Variants in RBM26 observed in about 807,000 individuals in gnomAD.
The protein encoded by RBM26 is RNA binding motif protein 26.
In RBM26, 30 loss-of-function variants were observed where a neutral mutation model predicts 123.6. The ratio of observed to expected loss-of-function variants is 0.24; its 90% CI spans 0.18 to 0.33. The LOEUF is 0.33. Among genes scored for constraint, RBM26 ranks in the 10% least tolerant of loss-of-function variants. RBM26 has a pLI of 1.00. For synonymous variants in RBM26, 400 were observed against 404.4 expected (o/e 0.99, Z 0.13); for missense variants, 947 against 1,203.6 (o/e 0.79, Z 3.15).
At chr13:79,343,509 G>A (rs1365457658) in intron 16 of RBM26, among the ~76,000 whole-genome samples, 1 of 151,816 alleles carries the variant, frequency 6.6e-6, no homozygotes, top group Non-Finnish European at 1.5e-5. Context: ...TCAAAATGTA[G>A]TTTCTGTATT....
intron 9 of RBM26, among the ~76,000 whole-genome samples, chr13:79,364,414 T>C (rs1381374684): frequency 6.6e-6 from 1 of 152,208 alleles, no homozygotes; most frequent in Non-Finnish European, 1.5e-5. Context: ...CTAAGACTTT[T>C]ATTCACAACT....
rs116110610 is a variant in RBM26 at position 79,369,265 on chromosome 13, T to G, written c.635-275A>C. Among the ~76,000 whole-genome samples the G allele has an allele frequency of 5.5e-3, 836 of 152,306 alleles. 11 individuals are homozygous for G. Among genetic ancestry groups the G allele is most frequent in the African/African-American group, 0.018 (762 of 41,550 alleles). ...TATAGAAAAAAGGAATTTTATATTT[T>G]CTTCATCACAATCTTGGTATGCATA... is the stretch of plus-strand genomic sequence containing the variant. On this transcript the variant is annotated intron_variant, in intron 5 of 21. Coordinates refer to ENST00000438737, the MANE Select transcript of RBM26 (RefSeq NM_001366735.2).
chr13:79,373,439 T>C (rs1349768236), intron 3 of RBM26, among the ~76,000 whole-genome samples: 2 of 13,666 alleles, frequency 1.5e-4, no homozygotes, highest in Non-Finnish European at 2.7e-4. Flanking sequence ...AAATATATAT[T>C]ATATATTATA....
intron 1 of RBM26, among the ~76,000 whole-genome samples, chr13:79,380,854 A>G (rs1045507072): frequency 1.3e-5 from 2 of 152,132 alleles, no homozygotes; most frequent in African/African-American, 4.8e-5. Flanking sequence ...GCTCCCATAT[A>G]TGAGTGGTAA....
intron 20 of RBM26, among the ~76,000 whole-genome samples, chr13:79,324,312 C>T (rs992482234): frequency 2.6e-5 from 4 of 151,708 alleles, no homozygotes; most frequent in African/African-American, 9.7e-5. Context: ...AAATATCTCT[C>T]GATGTCCATA....
chr13:79,371,049 C>A lies in RBM26; in HGVS notation c.530G>T (p.Arg177Leu). The A allele has an allele frequency of 6.2e-7, 1 of 1,613,736 alleles. No individual in the cohort carries two copies. The highest frequency in any genetic ancestry group is 8.5e-7 in the Non-Finnish European group (1 of 1,179,622). The change falls in exon 5 of 22, where the codon CGC (arginine) becomes CTC (leucine). Residue 177 changes from arginine to leucine, a missense_variant. This residue lies in a region of RBM26 where 275 missense variants were observed against 361.0 expected (regional missense o/e 0.76). Transcript: ENST00000438737. ...TCGACTTCGACTCCTGCTATAACTGCGACTCCGCCCTCGTCTTCTATTGTA... is the reference window on the plus strand; with the variant it reads ...TCGACTTCGACTCCTGCTATAACTGAGACTCCGCCCTCGTCTTCTATTGTA... ...DRYNRRRGRS[R>L]SYSRSRSRSW...
rs968906727 is a variant in RBM26 at position 79,329,353 on chromosome 13, G to GT, written c.2820+4990dup. On this transcript the variant is annotated intron_variant, in intron 20 of 21. Transcript: ENST00000438737. Reference sequence around the variant, plus strand: ...TGCATATACATATATATATATGTATGTTTTTTTTTCACTCCCAGTTCTGAC... The same window carrying GT: ...TGCATATACATATATATATATGTATGTTTTTTTTTTCACTCCCAGTTCTGAC... Among the ~76,000 whole-genome samples the GT allele has an allele frequency of 4.4e-4, 65 of 149,230 alleles. 1 individual carries two copies. The South Asian group carries it at 9.5e-3, about 22-fold the overall frequency.
At chr13:79,391,330 A>C (rs2077963827) in intron 1 of RBM26, among the ~76,000 whole-genome samples, 2 of 152,242 alleles carry the variant, frequency 1.3e-5, no homozygotes, top group Non-Finnish European at 2.9e-5. Flanking sequence ...CTTCATCTCA[A>C]AATAGGGAAA....
chr13:79,319,054 CGTA>C lies in RBM26; in HGVS notation c.*1564_*1566del. 1.0e-6 allele frequency: 1 copy of C among 984,118 alleles called. No homozygotes were observed. The highest frequency in any genetic ancestry group is 4.7e-5 in the South Asian group (1 of 21,280). 61.0% of individuals were successfully genotyped at this position (984,118 alleles called of 1,614,324 possible). On this transcript the variant is annotated 3_prime_UTR_variant, in exon 22 of 22. Coordinates refer to ENST00000438737, the MANE Select transcript of RBM26 (RefSeq NM_001366735.2). ...CTGATTTTGAAATTTTAAATATAAA[CGTA>C]GACACGAATTGCAAGGCAAAGCATT...
intron 10 of RBM26, among the ~76,000 whole-genome samples, chr13:79,358,765 C>T (rs2074319465): frequency 6.6e-6 from 1 of 152,092 alleles, no homozygotes; most frequent in South Asian, 2.1e-4. Flanking sequence ...TATTCTGATT[C>T]TGTAAAAGTC....
At chr13:79,318,304 A>G (rs138176358), downstream of RBM26, among the ~76,000 whole-genome samples, 37 of 151,206 alleles carry the variant, frequency 2.4e-4, no homozygotes, top group East Asian at 1.5e-3. Context: ...ATTCAAATCT[A>G]TTTTCACCCA....
intron 11 of RBM26, among the ~76,000 whole-genome samples, chr13:79,357,136 T>C (rs867423027): frequency 6.6e-6 from 1 of 152,298 alleles, no homozygotes; most frequent in South Asian, 2.1e-4. Context: ...TAATTATAGA[T>C]GGGCAGGGGA....
At chr13:79,380,969 T>A (rs2077028853) in intron 1 of RBM26, among the ~76,000 whole-genome samples, 2 of 152,158 alleles carry the variant, frequency 1.3e-5, no homozygotes, top group African/African-American at 4.8e-5. Context: ...AAGAATGATA[T>A]AATTGTTTAT....
intron 3 of RBM26, among the ~76,000 whole-genome samples, chr13:79,373,345 T>TATAA (rs1174215061): frequency 9.5e-6 from 1 of 105,258 alleles, no homozygotes; most frequent in Non-Finnish European, 1.7e-5. Flanking sequence ...ATATATTATA[T>TATAA]ATAAATAAAA....
intron 8 of RBM26, 130 bp downstream of exon 8, chr13:79,365,925 G>C (rs1347670025): frequency 1.0e-6 from 1 of 998,408 alleles, no homozygotes; most frequent in African/African-American, 1.6e-5. Context: ...CTTATTTAAT[G>C]TTCATTCACC....
At chr13:79,380,919 G>A (rs369369504) in intron 1 of RBM26, among the ~76,000 whole-genome samples, 5 of 152,102 alleles carry the variant, frequency 3.3e-5, no homozygotes, top group African/African-American at 9.6e-5. Flanking sequence ...ATGTCAGGAC[G>A]GGAAATTTTT....
intron 1 of RBM26, among the ~76,000 whole-genome samples, chr13:79,380,775 C>CCCTA (rs370161184): frequency 2.6e-5 from 4 of 152,178 alleles, no homozygotes; most frequent in African/African-American, 9.6e-5. Flanking sequence ...CTCCCTATCT[C>CCCTA]CCTACCACCC....
intron 21 of RBM26, 32 bp from the exon 22 acceptor site, chr13:79,320,742 CAA>C (rs34668220): frequency 0.026 from 28,185 of 1,064,078 alleles, no homozygotes; most frequent in South Asian, 0.047. Context: ...GGAATTTACC[CAA>C]AAAAAAAAAA....
intron 11 of RBM26, 116 bp from the exon 12 acceptor site, chr13:79,355,500 T>A: frequency 1.3e-6 from 1 of 743,794 alleles, no homozygotes. Flanking sequence ...GTATTTATAC[T>A]TCTTGGTATC....
Sources: allele counts gnomAD v4.1 joint callset (sites outside exome capture counted in the v4.1 genomes callset), GRCh38; gene constraint gnomAD v4.1.1; regional missense constraint gnomAD v4.1.1; transcripts MANE v1.5; gene names NCBI Gene and HGNC (gene_info 2026-07-23, HGNC 2026-07-21).